Variants in MACROD2 observed in about 807,000 individuals in gnomAD.
MACROD2 encodes mono-ADP ribosylhydrolase 2, also known as ADP-ribose glycohydrolase MACROD2.
In MACROD2, 36 loss-of-function variants were observed where a neutral mutation model predicts 70.4. The observed-to-expected ratio is 0.51, with a 90% CI of 0.39 to 0.68. The LOEUF (loss-of-function observed/expected upper bound fraction) is 0.68. Ranked by LOEUF, MACROD2 falls within the 30% of genes least tolerant of loss-of-function variation. The pLI is 0.00. For synonymous variants in MACROD2, 172 were observed against 178.8 expected (o/e 0.96, Z 0.30); for missense variants, 496 against 538.4 (o/e 0.92, Z 0.78).
intron 7 of MACROD2, among the ~76,000 whole-genome samples, chr20:15,498,377 C>T (rs937375959): frequency 9.9e-5 from 15 of 152,170 alleles, no homozygotes; most frequent in African/African-American, 3.4e-4. Flanking sequence ...TCTTGGTTCT[C>T]TCCATTTCCG....
intron 10 of MACROD2, among the ~76,000 whole-genome samples, chr20:15,887,903 T>A (rs2064842424): frequency 6.6e-6 from 1 of 152,166 alleles, no homozygotes; most frequent in Non-Finnish European, 1.5e-5. Flanking sequence ...TACATACACG[T>A]TCCAGTTCAA....
At chr20:14,256,066 C>G (rs1332934696) in intron 3 of MACROD2, among the ~76,000 whole-genome samples, 1 of 151,992 alleles carries the variant, frequency 6.6e-6, no homozygotes. Context: ...TTGCTCACAT[C>G]TAGGACTTTT....
intron 3 of MACROD2, among the ~76,000 whole-genome samples, chr20:14,376,272 A>G (rs780691259): frequency 2.0e-5 from 3 of 152,026 alleles, no homozygotes; most frequent in South Asian, 2.1e-4. Context: ...AATTTTTTCA[A>G]TTTACACCTT....
chr20:16,036,285 C>CCTT, intron 15 of MACROD2, among the ~76,000 whole-genome samples: 1 of 71,106 alleles, frequency 1.4e-5, no homozygotes, highest in East Asian at 4.0e-4. Context: ...GGACTCCTCC[C>CCTT]CCGGCCAGCA....
chr20:14,125,778 A>T (rs1032900138), intron 3 of MACROD2, among the ~76,000 whole-genome samples: 3 of 152,192 alleles, frequency 2.0e-5, no homozygotes, highest in African/African-American at 7.2e-5. Flanking sequence ...AGAAAAAAAA[A>T]TAGCAGCAAA....
intron 6 of MACROD2, among the ~76,000 whole-genome samples, chr20:15,246,612 C>A (rs1187502091): frequency 6.6e-6 from 1 of 152,038 alleles, no homozygotes. Flanking sequence ...AACTCTTAAC[C>A]ACTGCAGTGG....
intron 8 of MACROD2, among the ~76,000 whole-genome samples, chr20:15,625,929 G>T (rs1363753046): frequency 1.1e-4 from 8 of 71,180 alleles, no homozygotes; most frequent in East Asian, 4.6e-4. Flanking sequence ...AAAAAAAAAA[G>T]ACATATCTCA....
chr20:14,786,880 A>G (rs2072381186), intron 5 of MACROD2, among the ~76,000 whole-genome samples: 1 of 152,066 alleles, frequency 6.6e-6, no homozygotes. Context: ...ACGTATAAAG[A>G]AAGAGGCAAT....
intron 3 of MACROD2, among the ~76,000 whole-genome samples, chr20:14,116,802 C>T (rs1255128062): frequency 6.6e-6 from 1 of 152,106 alleles, no homozygotes; most frequent in African/African-American, 2.4e-5. Context: ...GGCACAGTGA[C>T]TCATGCCTGT....
At chr20:14,954,927 T>TAA in intron 5 of MACROD2, among the ~76,000 whole-genome samples, 3 of 106,268 alleles carry the variant, frequency 2.8e-5, no homozygotes, top group African/African-American at 8.0e-5. Context: ...TTAAATATAT[T>TAA]ATATATTTAA....
In MACROD2 at chr20:14,962,003, G is replaced by A. The variant is rs367915720; in HGVS notation, c.419-267937G>A. 5.9e-4 allele frequency among the ~76,000 whole-genome samples: 89 copies of A among 151,760 alleles called. 2 individuals are homozygous for A. Among genetic ancestry groups the A allele is most frequent in the African/African-American group, 2.2e-3 (89 of 41,254 alleles). ...CTTTTTGTTTGTTTGTTTTTGAGAC[G>A]GAGTCTCACTCTCGCTCAGACTGGA... On this transcript the variant is annotated intron_variant, in intron 5 of 17. Transcript: ENST00000684519.
chr20:15,551,494 G>T (rs938688937), intron 8 of MACROD2, among the ~76,000 whole-genome samples: 1 of 152,026 alleles, frequency 6.6e-6, no homozygotes, highest in Non-Finnish European at 1.5e-5. Context: ...TAAAACATGT[G>T]CTCACGTTTT....
At chr20:15,582,186 G>A (rs1374732475) in intron 8 of MACROD2, among the ~76,000 whole-genome samples, 1 of 151,998 alleles carries the variant, frequency 6.6e-6, no homozygotes, top group Non-Finnish European at 1.5e-5. Flanking sequence ...GCTCACGGGA[G>A]TCTTGCCTGT....
At position 14,468,587 on chromosome 20, in the gene MACROD2, A is replaced by C. The variant is rs918190251; in HGVS notation, c.272-24892A>C. 1.1e-4 allele frequency among the ~76,000 whole-genome samples: 16 copies of C among 151,652 alleles called. No homozygotes were observed. In the South Asian group the frequency reaches 1.3e-3, roughly 12 times the overall value. ...GAGTGCAGTGGCTCGATCTTGGCTC[A>C]CTGCAACCTCCGCCTCCCGGGTTCA... is the stretch of plus-strand genomic sequence containing the variant. On this transcript the variant is annotated intron_variant, in intron 3 of 17. Coordinates refer to ENST00000684519, the MANE Select transcript of MACROD2 (RefSeq NM_001351661.2).
intron 8 of MACROD2, among the ~76,000 whole-genome samples, chr20:15,567,398 G>A (rs1399064150): frequency 3.3e-5 from 5 of 152,182 alleles, no homozygotes; most frequent in African/African-American, 1.2e-4. Context: ...TAAAGCCACG[G>A]ATGTGGCCTC....
chr20:16,021,771 C>T (rs2067004878), intron 15 of MACROD2, among the ~76,000 whole-genome samples: 1 of 152,088 alleles, frequency 6.6e-6, no homozygotes, highest in Non-Finnish European at 1.5e-5. Context: ...GCCAATAAGT[C>T]GGAGAATCAG....
At chr20:14,978,101 C>T (rs888426167) in intron 5 of MACROD2, among the ~76,000 whole-genome samples, 3 of 152,112 alleles carry the variant, frequency 2.0e-5, no homozygotes, top group South Asian at 2.1e-4. Context: ...GAAACTAGAA[C>T]CTAGAACCCG....
chr20:15,873,796 T>C (rs1288579497), intron 9 of MACROD2, among the ~76,000 whole-genome samples: 1 of 152,086 alleles, frequency 6.6e-6, no homozygotes, highest in African/African-American at 2.4e-5. Context: ...AGAGTGAGGT[T>C]AAACCAAAAA....
At chr20:15,040,890 G>C (rs746860745) in intron 5 of MACROD2, among the ~76,000 whole-genome samples, 2 of 152,192 alleles carry the variant, frequency 1.3e-5, no homozygotes, top group Non-Finnish European at 2.9e-5. Context: ...TCTGAACTAT[G>C]TGTTTATGGC....
Sources: allele counts gnomAD v4.1 joint callset (sites outside exome capture counted in the v4.1 genomes callset), GRCh38; gene constraint gnomAD v4.1.1; transcripts MANE v1.5; gene names NCBI Gene and HGNC (gene_info 2026-07-23, HGNC 2026-07-21).